Variants in RUNX1T1 observed in about 807,000 individuals in gnomAD.
RUNX1T1 encodes the protein protein CBFA2T1.
A neutral mutation model predicts 62.8 loss-of-function variants in RUNX1T1; 4 were observed. That is an observed-to-expected ratio of 0.06 (90% confidence interval 0.03 to 0.15). The LOEUF is 0.15. Ranked by LOEUF, RUNX1T1 falls within the 10% of genes least tolerant of loss-of-function variation. The pLI is 1.00. For missense variants in RUNX1T1, 508 were observed against 754.3 expected (o/e 0.67, Z 3.82); for synonymous variants, 291 against 286.0 (o/e 1.02, Z -0.18).
intron 1 of RUNX1T1, among the ~76,000 whole-genome samples, chr8:92,089,834 G>A (rs1465006529): frequency 6.7e-6 from 1 of 148,602 alleles, no homozygotes; most frequent in Non-Finnish European, 1.5e-5. Context: ...TCTTTATGAT[G>A]GAGAAGACTG....
At position 92,026,944 on chromosome 8, in the gene RUNX1T1, T is replaced by C. The variant is rs1285074081; in HGVS notation, c.8-9581A>G. On this transcript the variant is annotated intron_variant, in intron 1 of 10. Transcript: ENST00000396218. Reference sequence around the variant, plus strand: ...CATCCTGGCTGACACGGTGAAACCCTGTCTCTACTAAAAATACAAAAATTA... The same window carrying C: ...CATCCTGGCTGACACGGTGAAACCCCGTCTCTACTAAAAATACAAAAATTA... Among the ~76,000 whole-genome samples, 209 of 150,416 alleles carry C rather than the reference T, an allele frequency of 1.4e-3. 3 individuals carry two copies. The highest frequency in any genetic ancestry group is 0.014 in the Admixed American group (207 of 15,128).
intron 10 of RUNX1T1, among the ~76,000 whole-genome samples, chr8:91,969,813 G>A (rs1159038320): frequency 6.6e-6 from 1 of 152,162 alleles, no homozygotes; most frequent in East Asian, 1.9e-4. Flanking sequence ...TGATTTATCA[G>A]TCCATGCCAT....
intron 1 of RUNX1T1, among the ~76,000 whole-genome samples, chr8:92,048,189 C>T (rs1273198298): frequency 6.6e-6 from 1 of 152,122 alleles, no homozygotes; most frequent in Non-Finnish European, 1.5e-5. Context: ...CTTAAATGAA[C>T]ATTCAATACA....
intron 5 of RUNX1T1, chr8:91,994,528 G>C (rs1350432177): frequency 2.1e-6 from 1 of 483,092 alleles, no homozygotes; most frequent in African/African-American, 2.0e-5. Flanking sequence ...ACTGGACTGG[G>C]AATCAAGAGA....
intron 6 of RUNX1T1, among the ~76,000 whole-genome samples, chr8:91,988,788 A>T (rs1446690088): frequency 4.6e-5 from 7 of 152,026 alleles, no homozygotes; most frequent in Non-Finnish European, 7.4e-5. Flanking sequence ...TCTCATTTTT[A>T]AAAAAATATT....
chr8:92,080,679 T>A (rs1174884057), intron 1 of RUNX1T1, among the ~76,000 whole-genome samples: 1 of 152,252 alleles, frequency 6.6e-6, no homozygotes, highest in African/African-American at 2.4e-5. Context: ...TGCAAGAGCA[T>A]GGCCATGTTT....
At chr8:92,021,018 G>A (rs1823983641) in intron 1 of RUNX1T1, among the ~76,000 whole-genome samples, 1 of 152,102 alleles carries the variant, frequency 6.6e-6, no homozygotes, top group Non-Finnish European at 1.5e-5. Context: ...AACAAAAAGG[G>A]AGTTCAAGTA....
At chr8:91,983,455 A>C (rs1013195095) in intron 8 of RUNX1T1, among the ~76,000 whole-genome samples, 26 of 152,192 alleles carry the variant, frequency 1.7e-4, no homozygotes, top group African/African-American at 6.0e-4. Flanking sequence ...CAGTGTTTCC[A>C]AGTTAGGGAT....
At chr8:91,969,702 T>C (rs977476390) in intron 10 of RUNX1T1, among the ~76,000 whole-genome samples, 2 of 152,162 alleles carry the variant, frequency 1.3e-5, no homozygotes, top group African/African-American at 4.8e-5. Flanking sequence ...ACTCTGGGCA[T>C]TGAGAGATTC....
In RUNX1T1 at chr8:92,044,467, T is replaced by C. The variant is rs187699370; in HGVS notation, c.7+18079A>G. 3.4e-4 allele frequency among the ~76,000 whole-genome samples: 52 copies of C among 152,244 alleles called. No homozygotes were observed. The East Asian group carries it at 9.3e-3, about 27-fold the overall frequency. On this transcript the variant is annotated intron_variant, in intron 1 of 10. Coordinates refer to ENST00000396218, the Ensembl canonical transcript of RUNX1T1. ...AGAAGACCAAGAGGGTATAAGTCTGTTGTGTCTCAATCAGTCTATCCAAGA... is the reference window on the plus strand; with the variant it reads ...AGAAGACCAAGAGGGTATAAGTCTGCTGTGTCTCAATCAGTCTATCCAAGA...
At chr8:92,043,409 A>C (rs1402528870) in intron 1 of RUNX1T1, among the ~76,000 whole-genome samples, 1 of 152,032 alleles carries the variant, frequency 6.6e-6, no homozygotes, top group Non-Finnish European at 1.5e-5. Context: ...TAAGGAAGGA[A>C]AAAAAAACTA....
At chr8:91,972,107 C>T (rs1177823197) in intron 9 of RUNX1T1, among the ~76,000 whole-genome samples, 1 of 152,090 alleles carries the variant, frequency 6.6e-6, no homozygotes, top group African/African-American at 2.4e-5. Flanking sequence ...ACTTAAAAAG[C>T]ACCTTAATTA....
chr8:92,006,287 G>A (rs1260630412), intron 4 of RUNX1T1: 2 of 152,078 alleles, frequency 1.3e-5, no homozygotes, highest in African/African-American at 2.4e-5. Flanking sequence ...GTTTGGGGAG[G>A]GGCAGTAAGG....
intron 2 of RUNX1T1, among the ~76,000 whole-genome samples, chr8:92,069,549 A>G (rs566921625): frequency 7.2e-5 from 11 of 152,356 alleles, no homozygotes; most frequent in Non-Finnish European, 1.5e-4. Flanking sequence ...GTTTATAAAC[A>G]ATTCAAAGTT....
chr8:92,007,451 C>T (rs761529491), intron 4 of RUNX1T1, among the ~76,000 whole-genome samples: 1 of 150,736 alleles, frequency 6.6e-6, no homozygotes, highest in Non-Finnish European at 1.5e-5. Flanking sequence ...GGCAACAGAG[C>T]GAGACTCAGT....
chr8:92,031,171 C>T (rs967075687), intron 1 of RUNX1T1, among the ~76,000 whole-genome samples: 1 of 152,172 alleles, frequency 6.6e-6, no homozygotes, highest in Non-Finnish European at 1.5e-5. Context: ...ATAACCTTTG[C>T]GATCCAGGAT....
intron 4 of RUNX1T1, 57 bp downstream of exon 5, chr8:92,010,945 A>T (rs891654115): frequency 2.1e-6 from 2 of 966,846 alleles, no homozygotes; most frequent in African/African-American, 3.2e-5. Context: ...GCACACAGTT[A>T]TGACCTAGCA....
chr8:92,008,369 C>A (rs28411752), intron 4 of RUNX1T1, among the ~76,000 whole-genome samples: 1 of 64,284 alleles, frequency 1.6e-5, no homozygotes, highest in Non-Finnish European at 3.1e-5. Context: ...TGCCACATAT[C>A]TCTCTCTCTC....
Position 91,976,434 on chromosome 8 carries a change from A to G in RUNX1T1, c.1199-461T>C, listed in dbSNP as rs1266315522. ...TTCAATGAATAGCAAGCTCCACTCTATGGCTAACCAGTTCTCATACTTAAT... is the reference window on the plus strand; with the variant it reads ...TTCAATGAATAGCAAGCTCCACTCTGTGGCTAACCAGTTCTCATACTTAAT... On this transcript the variant is annotated intron_variant, in intron 8 of 10. Coordinates refer to ENST00000396218, the Ensembl canonical transcript of RUNX1T1. Among the ~76,000 whole-genome samples, 3 of 152,274 alleles carry G rather than the reference A, an allele frequency of 2.0e-5. No homozygotes were observed. The East Asian group carries it at 5.8e-4, about 29-fold the overall frequency.
Sources: allele counts gnomAD v4.1 joint callset (sites outside exome capture counted in the v4.1 genomes callset), GRCh38; gene constraint gnomAD v4.1.1; transcripts MANE v1.5; gene names NCBI Gene and HGNC (gene_info 2026-07-23, HGNC 2026-07-21).